Variants in MYO18B observed in about 807,000 individuals in gnomAD.
MYO18B encodes the protein myosin XVIIIB, also known as unconventional myosin-XVIIIb.
MYO18B carries 204 observed loss-of-function variants against 273.0 expected under a neutral mutation model. The ratio of observed to expected loss-of-function variants is 0.75; its 90% CI spans 0.67 to 0.84. The LOEUF is 0.84. Ranked by LOEUF, MYO18B falls within the 40% of genes least tolerant of loss-of-function variation. MYO18B has a pLI of 0.00. For synonymous variants in MYO18B, 1,330 were observed against 1,305.7 expected, an observed-to-expected ratio of 1.02 and a Z score of -0.40; for missense variants, 3,212 against 3,287.6, an observed-to-expected ratio of 0.98 and a Z score of 0.56.
At chr22:25,958,658 G>A (rs2092882189) in intron 39 of MYO18B, among the ~76,000 whole-genome samples, 10 of 152,164 alleles carry the variant, frequency 6.6e-5, no homozygotes, top group Admixed American at 6.5e-4. Flanking sequence ...GTTACACAGT[G>A]TGCCCAAAAC....
At chr22:26,050,912 T>C in the MYO18B span, among the ~76,000 whole-genome samples, 2 of 151,990 alleles carry the variant, frequency 1.3e-5, no homozygotes, top group African/African-American at 2.4e-5. Context: ...GGGAGAAAAA[T>C]TGCTGGAAAG....
At position 25,868,363 on chromosome 22, in the gene MYO18B, C is replaced by T. The variant is rs369078033; in HGVS notation, c.3929C>T (p.Ala1310Val). 17 of 1,601,898 alleles carry T rather than the reference C, an allele frequency of 1.1e-5. No individual in the cohort carries two copies. The highest frequency in any genetic ancestry group is 4.0e-5 in the African/African-American group (3 of 74,762). ...GAGACCCTGGATCTGGAAAAGAAGGCGGTGGCTGTGGGGCACAGCCAAGTG... is the reference window on the plus strand; with the variant it reads ...GAGACCCTGGATCTGGAAAAGAAGGTGGTGGCTGTGGGGCACAGCCAAGTG... ...LLETLDLEKK[A>V]VAVGHSQVFL... Residue 1310 changes from alanine to valine, a missense_variant, in exon 22 of 44, where the codon GCG becomes GTG. Physicochemically the swap from Ala to Val is moderately conservative, Grantham distance 64. Coordinates refer to ENST00000335473, the MANE Select transcript of MYO18B (RefSeq NM_032608.7).
chr22:25,858,141 C>G (rs2146087304), intron 21 of MYO18B, among the ~76,000 whole-genome samples: 1 of 152,322 alleles, frequency 6.6e-6, no homozygotes, highest in Non-Finnish European at 1.5e-5. Flanking sequence ...AATGATTTGG[C>G]CACTTGTGTG....
chr22:25,949,824 A>C (rs948784749), intron 36 of MYO18B, among the ~76,000 whole-genome samples: 4 of 152,242 alleles, frequency 2.6e-5, no homozygotes, highest in African/African-American at 9.6e-5. Context: ...TCTACCCTCT[A>C]GAATTCCTCT....
intron 42 of MYO18B, among the ~76,000 whole-genome samples, chr22:26,021,033 G>C (rs189873082): frequency 2.0e-5 from 3 of 152,300 alleles, no homozygotes; most frequent in Admixed American, 1.3e-4. Flanking sequence ...AGTTTGCAGT[G>C]AGCCATGATC....
chr22:26,049,606 T>C, the MYO18B span, among the ~76,000 whole-genome samples: 1 of 152,228 alleles, frequency 6.6e-6, no homozygotes, highest in Admixed American at 6.5e-5. Context: ...GTTTCATAAG[T>C]ACAGAAGTGA....
At chr22:25,952,803 G>A (rs975837338) in intron 38 of MYO18B, among the ~76,000 whole-genome samples, 6 of 151,656 alleles carry the variant, frequency 4.0e-5, no homozygotes, top group Middle Eastern at 3.4e-3. Flanking sequence ...TCCTACCTCC[G>A]TCCACCTACT....
intron 34 of MYO18B, among the ~76,000 whole-genome samples, chr22:25,941,371 G>A (rs906194112): frequency 6.6e-6 from 1 of 152,178 alleles, no homozygotes; most frequent in Middle Eastern, 3.2e-3. Context: ...GGGTTGGAGA[G>A]TGAACATCAA....
rs779495322 is a variant in MYO18B at position 25,868,358 on chromosome 22, G to A, written c.3924G>A (p.Lys1308=). ...EELLETLDLE[K]KAVAVGHSQV... ...TCCTGGAGACCCTGGATCTGGAAAA[G>A]AAGGCGGTGGCTGTGGGGCACAGCC... The change falls in exon 22 of 44, where the codon AAG becomes AAA. Residue 1308 remains lysine, a synonymous_variant. Coordinates refer to ENST00000335473, the MANE Select transcript of MYO18B (RefSeq NM_032608.7). 2.1e-5 allele frequency: 34 copies of A among 1,602,950 alleles called. No individual in the cohort carries two copies. The highest frequency in any genetic ancestry group is 1.1e-4 in the South Asian group (10 of 88,338).
Position 25,889,808 on chromosome 22 carries a change from G to A in MYO18B, c.4315-948G>A, listed in dbSNP as rs148099554. 3.5e-3 allele frequency among the ~76,000 whole-genome samples: 529 copies of A among 152,194 alleles called. 7 individuals are homozygous for A. Among genetic ancestry groups the A allele is most frequent in the Middle Eastern group, 0.024 (7 of 294 alleles). ...TCAGAAAAAAAAACCAGTGCAGGTG[G>A]GAATTCATTTAAAAATTCCTATTTT... On this transcript the variant is annotated intron_variant, in intron 25 of 43. Coordinates refer to ENST00000335473, the MANE Select transcript of MYO18B (RefSeq NM_032608.7).
chr22:25,835,305 C>T lies in MYO18B; in HGVS notation c.3070C>T (p.Pro1024Ser). The change falls in exon 17 of 44, where the codon CCA becomes TCA. Residue 1024 changes from proline (P) to serine (S), a missense_variant. Physicochemically the swap from Pro to Ser is moderately conservative, Grantham distance 74. Transcript: ENST00000335473. ...VDQNPSQVRL[P>S]AGGGAQDARG... The stretch of plus-strand genomic sequence containing the variant: ...CTGGTTCTCCCAGCAGGTCCGCTTA[C>T]CAGCTGGAGGAGGTGCCCAGGATGC... 1 of 1,613,722 alleles carries T rather than the reference C, an allele frequency of 6.2e-7. No individual in the cohort carries two copies. Among genetic ancestry groups the T allele is most frequent in the Non-Finnish European group, 8.5e-7 (1 of 1,179,786 alleles).
In MYO18B at chr22:25,873,398, C is replaced by G. The variant is rs544910189; in HGVS notation, c.3952-888C>G. On this transcript the variant is annotated intron_variant, in intron 22 of 43. Transcript: ENST00000335473. Reference sequence around the variant, plus strand: ...GACCAAGAGGACTGCCATCCCTTCCCCCACTGTCTCTGCCCCTCCTTACAA... The same window carrying G: ...GACCAAGAGGACTGCCATCCCTTCCGCCACTGTCTCTGCCCCTCCTTACAA... Among the ~76,000 whole-genome samples the G allele has an allele frequency of 2.6e-3, 392 of 152,336 alleles. 4 individuals are homozygous for G. The highest frequency in any genetic ancestry group is 9.1e-3 in the African/African-American group (378 of 41,586).
chr22:25,875,790 C>T (rs1450159788), intron 23 of MYO18B, among the ~76,000 whole-genome samples: 1 of 152,134 alleles, frequency 6.6e-6, no homozygotes, highest in East Asian at 1.9e-4. Flanking sequence ...TAATCGTGGA[C>T]ATTGTTATTT....
intron 42 of MYO18B, among the ~76,000 whole-genome samples, chr22:26,021,450 C>T (rs570951333): frequency 6.6e-6 from 1 of 152,190 alleles, no homozygotes; most frequent in East Asian, 1.9e-4. Context: ...ATGTATCCAA[C>T]ACATGTTTAT....
intron 21 of MYO18B, among the ~76,000 whole-genome samples, chr22:25,856,212 T>C (rs1381039976): frequency 1.3e-5 from 2 of 152,234 alleles, no homozygotes. Flanking sequence ...TTTCTTGTTT[T>C]GTTTTTTTGA....
chr22:25,831,705 C>T (rs2089714023), intron 15 of MYO18B, among the ~76,000 whole-genome samples: 1 of 152,134 alleles, frequency 6.6e-6, no homozygotes, highest in Admixed American at 6.5e-5. Flanking sequence ...ATTGTGGCAA[C>T]TATTATTCCC....
At chr22:25,855,941 G>C (rs1039233895) in intron 21 of MYO18B, among the ~76,000 whole-genome samples, 2 of 151,946 alleles carry the variant, frequency 1.3e-5, no homozygotes, top group African/African-American at 2.4e-5. Context: ...CATCACCCAG[G>C]TAATAAGCAT....
chr22:25,774,205 TGACCCACAC>T (rs2086829636), intron 7 of MYO18B, among the ~76,000 whole-genome samples: 1 of 152,100 alleles, frequency 6.6e-6, no homozygotes, highest in Non-Finnish European at 1.5e-5. Flanking sequence ...TCCTCCAGAG[TGACCCACAC>T]CACACCTTCA....
At chr22:25,905,887 C>T (rs898506587) in intron 31 of MYO18B, among the ~76,000 whole-genome samples, 1 of 152,214 alleles carries the variant, frequency 6.6e-6, no homozygotes, top group African/African-American at 2.4e-5. Context: ...CCATGTAGCA[C>T]CCCAGTGTTC....
Sources: allele counts gnomAD v4.1 joint callset (sites outside exome capture counted in the v4.1 genomes callset), GRCh38; gene constraint gnomAD v4.1.1; transcripts MANE v1.5; gene names NCBI Gene and HGNC (gene_info 2026-07-23, HGNC 2026-07-21).